The following ABCA3 variants were observed in gnomAD, a reference collection of about 807,000 sequenced individuals.
ABCA3 encodes the protein phospholipid-transporting ATPase ABCA3.
Under a neutral mutation model 172.8 loss-of-function variants are expected in ABCA3, and 88 were observed. The ratio of observed to expected loss-of-function variants is 0.51; its 90% CI spans 0.43 to 0.61. ABCA3 has a LOEUF of 0.61. Ranked by LOEUF, ABCA3 falls within the 20% of genes least tolerant of loss-of-function variation. The probability of loss-of-function intolerance (pLI) is 0.00; values close to 1 mark genes in which losing one functional copy is unlikely to be tolerated. For missense variants in ABCA3, 2,164 were observed against 2,301.0 expected (o/e 0.94, Z 1.22); for synonymous variants, 1,066 against 983.8 (o/e 1.08, Z -1.56).
intron 11 of ABCA3, 84 bp downstream of exon 11, chr16:2,308,366 C>T (rs992169653): frequency 2.6e-6 from 4 of 1,556,014 alleles, no homozygotes; most frequent in Non-Finnish European, 3.5e-6. Context: ...CCAGGTGGAG[C>T]CTTGCTGCTG....
chr16:2,304,734 G>GGT, intron 11 of ABCA3, among the ~76,000 whole-genome samples: 1 of 149,794 alleles, frequency 6.7e-6, no homozygotes, highest in Non-Finnish European at 1.5e-5. Context: ...GGAGTGCAGT[G>GGT]GCACGATCTC....
intron 1 of ABCA3, chr16:2,332,230 T>G: frequency 2.1e-5 from 9 of 430,488 alleles, no homozygotes; most frequent in East Asian, 8.7e-5. Context: ...AACTCCTCCA[T>G]TTCTTTTTTT....
rs928365018 is a variant in ABCA3, at chr16:2,281,508, G to A, written c.4037C>T (p.Thr1346Ile). ...CACAGGCATCCGGGTGTATAATTCTGTCTGATTGACCAGGACAAAGACCGC... is the reference window on the plus strand; with the variant it reads ...CACAGGCATCCGGGTGTATAATTCTATCTGATTGACCAGGACAAAGACCGC... ...LCALRRRRTL[T>I]ELYTRMPVLP... The change falls in exon 27 of 33, where the codon ACA becomes ATA. Residue 1346 changes from threonine to isoleucine, a missense_variant and splice_region_variant. Physicochemically the swap from Thr to Ile is moderately conservative, Grantham distance 89. Coordinates refer to ENST00000301732, the MANE Select transcript of ABCA3 (RefSeq NM_001089.3). This position sits in a 1 kb window ranked among gnomAD's most constrained non-coding sequence, Gnocchi z 4.7. 1 of 1,565,732 alleles carries A rather than the reference G, an allele frequency of 6.4e-7. No homozygotes were observed. The highest frequency in any genetic ancestry group is 1.7e-5 in the Admixed American group (1 of 58,412).
At chr16:2,291,441 C>T (rs776673498) in intron 19 of ABCA3, among the ~76,000 whole-genome samples, 2 of 152,154 alleles carry the variant, frequency 1.3e-5, no homozygotes, top group Non-Finnish European at 2.9e-5. Flanking sequence ...TGAGCCACCA[C>T]GCCCAGCCCC....
Position 2,277,613 on chromosome 16 carries a change from T to G in ABCA3, c.4967A>C (p.Asp1656Ala), listed in dbSNP as rs776096880. ...GMVHYHLPGR[D>A]LSWAKVFGIL... is the part of the protein sequence containing the mutation. ...CTGCCTCACCTTCGCCCAGCTGAGG[T>G]CACGGCCCGGCAGGTGGTAATGGAC... The change falls in exon 32 of 33, where the codon GAC (aspartate) becomes GCC (alanine). Residue 1656 changes from aspartate to alanine, a missense_variant. Asp to Ala is a moderately radical substitution (Grantham distance 126). Around this residue, in one of 3 missense-constraint regions of ABCA3, gnomAD observed 795 missense variants for 881.9 expected, o/e 0.90. Coordinates refer to ENST00000301732, the MANE Select transcript of ABCA3 (RefSeq NM_001089.3). The surrounding 1 kb of genome is among the most constrained non-coding windows in gnomAD (Gnocchi z 5.3). The G allele has an allele frequency of 1.9e-6, 3 of 1,613,054 alleles. No homozygotes were observed. The Admixed American group carries it at 5.0e-5, about 27-fold the overall frequency.
chr16:2,289,632 C>A lies in ABCA3; in HGVS notation c.2514-12G>T. The A allele has an allele frequency of 1.3e-6, 2 of 1,547,622 alleles. No homozygotes were observed. Among genetic ancestry groups the A allele is most frequent in the Non-Finnish European group, 1.7e-6 (2 of 1,146,986 alleles). On this transcript the variant is annotated splice_polypyrimidine_tract_variant and intron_variant, in intron 19 of 32. Coordinates refer to ENST00000301732, the MANE Select transcript of ABCA3 (RefSeq NM_001089.3). ...CCAGCTTCCCGACCCTGTGCCGATA[C>A]ACACAGGGACCGGTCAGGACCCAGC... is the stretch of plus-strand genomic sequence containing the variant.
intron 12 of ABCA3, among the ~76,000 whole-genome samples, chr16:2,303,685 G>A (rs1290554715): frequency 1.3e-5 from 2 of 152,210 alleles, no homozygotes; most frequent in African/African-American, 2.4e-5. Flanking sequence ...GGCTGCGTGC[G>A]TGGGTCTTGC....
At chr16:2,301,034 T>G (rs535828023) in intron 12 of ABCA3, among the ~76,000 whole-genome samples, 27 of 149,210 alleles carry the variant, frequency 1.8e-4, no homozygotes, top group East Asian at 2.0e-4. Flanking sequence ...ATCGAGACCA[T>G]CCTGGCTAAC....
chr16:2,311,998 G>A (rs2093707449), intron 10 of ABCA3, among the ~76,000 whole-genome samples: 1 of 152,128 alleles, frequency 6.6e-6, no homozygotes, highest in East Asian at 1.9e-4. Flanking sequence ...ATAACATGAT[G>A]CATTAGTTCG....
At chr16:2,302,139 T>C (rs1464390889) in intron 12 of ABCA3, among the ~76,000 whole-genome samples, 1 of 152,220 alleles carries the variant, frequency 6.6e-6, no homozygotes, top group Non-Finnish European at 1.5e-5. Context: ...ATGACTGGTT[T>C]GCTGTTAATA....
rs759691078 is a variant in ABCA3 at position 2,317,297 on chromosome 16, G to T, written c.1097C>A (p.Thr366Asn). 3 of 1,614,090 alleles carry T rather than the reference G, an allele frequency of 1.9e-6. No homozygotes were observed. The highest frequency in any genetic ancestry group is 2.5e-6 in the Non-Finnish European group (3 of 1,180,018). Residue 366 changes from threonine (T) to asparagine (N), a missense_variant, in exon 10 of 33, where the codon ACC becomes AAC. Transcript: ENST00000301732. The part of the protein sequence containing the change: ...STISFSFMVS[T>N]FFSKANMAAA... ...CTGGGGCTCACCTTTGCTGAAGAAG[G>T]TGCTGACCATGAAGCTGAAGGAGAT...
chr16:2,316,284 G>T (rs1299154858), intron 10 of ABCA3, among the ~76,000 whole-genome samples: 3 of 139,070 alleles, frequency 2.2e-5, no homozygotes, highest in African/African-American at 8.1e-5. Context: ...ACTCCAGCCT[G>T]GGCAACAGAA....
chr16:2,333,241 GT>G (rs766837906), intron 1 of ABCA3, among the ~76,000 whole-genome samples: 2 of 152,344 alleles, frequency 1.3e-5, no homozygotes, highest in South Asian at 2.1e-4. Flanking sequence ...ATTACGCCAT[GT>G]GTTCCTGTTG....
Position 2,326,145 on chromosome 16 carries a change from T to C in ABCA3, c.184A>G (p.Ile62Val). The change falls in exon 5 of 33, where the codon ATC becomes GTC. Residue 62 changes from isoleucine (I) to valine (V), a missense_variant. By Grantham distance (29) the Ile-to-Val change is conservative. Around this residue, in one of 3 missense-constraint regions of ABCA3, gnomAD observed 1,343 missense variants for 1,369.6 expected, o/e 0.98. Coordinates refer to ENST00000301732, the MANE Select transcript of ABCA3 (RefSeq NM_001089.3). ...PNATIYPGQSIQELPLFFTFP... is the reference protein window; with the variant it reads ...PNATIYPGQSVQELPLFFTFP... Reference sequence around the variant, plus strand: ...GTGAAGAACAGAGGCAGCTCCTGGATGGACTGGCCCGGGTAGATGGTGGCG... The same window carrying C: ...GTGAAGAACAGAGGCAGCTCCTGGACGGACTGGCCCGGGTAGATGGTGGCG... 6.2e-7 allele frequency: 1 copy of C among 1,614,122 alleles called. No homozygotes were observed. The highest frequency in any genetic ancestry group is 8.5e-7 in the Non-Finnish European group (1 of 1,180,026).
chr16:2,278,628 C>G lies in ABCA3; in HGVS notation c.4548-170G>C, dbSNP rs1364468678. ...CACCTGGAAAGCCCACCGCATAGGG[C>G]TGGAGGCCCCAGAGAAGGCTGTTCC... is the stretch of plus-strand genomic sequence containing the variant. On this transcript the variant is annotated intron_variant, in intron 29 of 32. Transcript: ENST00000301732. The surrounding 1 kb of genome is among the most constrained non-coding windows in gnomAD (Gnocchi z 4.4). Among the ~76,000 whole-genome samples, 1 of 152,240 alleles carries G rather than the reference C, an allele frequency of 6.6e-6. No individual in the cohort carries two copies. Among genetic ancestry groups the G allele is most frequent in the African/African-American group, 2.4e-5 (1 of 41,462 alleles).
rs141725577 is a variant in ABCA3, at chr16:2,284,978, G to T, written c.3504C>A (p.Asp1168Glu). 1.2e-6 allele frequency: 2 copies of T among 1,613,518 alleles called. No individual in the cohort carries two copies. Among genetic ancestry groups the T allele is most frequent in the South Asian group, 2.2e-5 (2 of 91,068 alleles). The change falls in exon 24 of 33, where the codon GAC becomes GAA. Residue 1168 changes from aspartate to glutamate, a missense_variant. Asp to Glu is a conservative substitution (Grantham distance 45). Coordinates refer to ENST00000301732, the MANE Select transcript of ABCA3 (RefSeq NM_001089.3). This position sits in a 1 kb window ranked among gnomAD's most constrained non-coding sequence, Gnocchi z 5.9. Reference protein sequence around the residue: ...LLLLVVFKAFDVRAFTRDGHM... With the variant: ...LLLLVVFKAFEVRAFTRDGHM... Reference sequence around the variant, plus strand: ...GGCCGTCCCGCGTGAAGGCACGCACGTCGAAGGCCTTAAACACCACCTGCG... The same window carrying T: ...GGCCGTCCCGCGTGAAGGCACGCACTTCGAAGGCCTTAAACACCACCTGCG...
chr16:2,313,534 CAG>C (rs2093709855), intron 10 of ABCA3, among the ~76,000 whole-genome samples: 1 of 110,614 alleles, frequency 9.0e-6, no homozygotes. Flanking sequence ...GCCTAGGCAA[CAG>C]AGTGAGACTC....
rs746692827 is a variant in ABCA3 at position 2,286,398 on chromosome 16, C to T, written c.3278+296G>A. On this transcript the variant is annotated intron_variant, in intron 22 of 32. Transcript: ENST00000301732. The surrounding 1 kb of genome is among the most constrained non-coding windows in gnomAD (Gnocchi z 5.2). ...CACTGCTGGAGAGAGCAGTGTGGAG[C>T]GAGGACAGTGGCTGACAGGAGCCAG... Among the ~76,000 whole-genome samples, 2 of 152,112 alleles carry T rather than the reference C, an allele frequency of 1.3e-5. No individual in the cohort carries two copies. The highest frequency in any genetic ancestry group is 4.8e-5 in the African/African-American group (2 of 41,414).
At position 2,289,463 on chromosome 16, in the gene ABCA3, C is replaced by T. The variant is rs1479343721; in HGVS notation, c.2671G>A (p.Glu891Lys). Residue 891 changes from glutamate (E) to lysine (K), a missense_variant, in exon 20 of 33, where the codon GAG becomes AAG. By Grantham distance (56) the Glu-to-Lys change is moderately conservative. This residue lies in a region of ABCA3 where 1,343 missense variants were observed against 1,369.6 expected (regional missense o/e 0.98). Coordinates refer to ENST00000301732, the MANE Select transcript of ABCA3 (RefSeq NM_001089.3). Reference sequence around the variant, plus strand: ...GTGTTGAGCTTGACAGCGGTGCGCTCCTCCTCGATGAGGGCTCCAATGCCG... The same window carrying T: ...GTGTTGAGCTTGACAGCGGTGCGCTTCTCCTCGATGAGGGCTCCAATGCCG... ...SDGIGALIEE[E>K]RTAVKLNTGL... 1.3e-6 allele frequency: 2 copies of T among 1,593,138 alleles called. No homozygotes were observed. The highest frequency in any genetic ancestry group is 1.1e-5 in the South Asian group (1 of 87,578).
Sources: gnomAD v4.1 joint callset for allele counts (sites outside exome capture counted in the v4.1 genomes callset) on GRCh38, gnomAD v4.1.1 for gene constraint, gnomAD v4.1.1 regional missense constraint, Gnocchi (gnomAD v3.1) non-coding constraint, MANE v1.5 for transcripts, NCBI Gene and HGNC (gene_info 2026-07-23, HGNC 2026-07-21) for gene names.